GALNT17: variants seen among roughly 807,000 people sequenced by gnomAD.
GALNT17 encodes polypeptide N-acetylgalactosaminyltransferase 17, also known as UDP-GalNAc:polypeptide N-acetylgalactosaminyltransferase-like 3.
A neutral mutation model predicts 63.7 loss-of-function variants in GALNT17; 29 were observed. The observed-to-expected ratio is 0.46, with a 90% CI of 0.34 to 0.62. The LOEUF (loss-of-function observed/expected upper bound fraction) is 0.62, where lower values mean the gene tolerates loss of function less well. Among genes scored for constraint, GALNT17 ranks in the 20% least tolerant of loss-of-function variants. The pLI is 0.01. For missense variants in GALNT17, 603 were observed against 799.6 expected (o/e 0.75, Z 2.97); for synonymous variants, 305 against 318.3 (o/e 0.96, Z 0.45).
chr7:71,303,735 C>T (rs1791241319), intron 1 of GALNT17, among the ~76,000 whole-genome samples: 1 of 152,170 alleles, frequency 6.6e-6, no homozygotes, highest in South Asian at 2.1e-4. Context: ...CTGGACTCCC[C>T]TCTAAAGAAG....
intron 1 of GALNT17, among the ~76,000 whole-genome samples, chr7:71,155,367 G>A (rs112842866): frequency 0.088 from 13,262 of 151,474 alleles, 925 homozygotes; most frequent in African/African-American, 0.16. Flanking sequence ...CCAACCTCCC[G>A]GGCTCAAGCA....
chr7:71,527,071 T>G (rs1227969112), intron 5 of GALNT17, among the ~76,000 whole-genome samples: 1 of 152,242 alleles, frequency 6.6e-6, no homozygotes, highest in Non-Finnish European at 1.5e-5. Context: ...TTGTCCTCTC[T>G]TTTTGTGTCT....
At chr7:71,329,917 A>ATATG (rs149755222) in intron 1 of GALNT17, among the ~76,000 whole-genome samples, 11 of 146,868 alleles carry the variant, frequency 7.5e-5, no homozygotes, top group Non-Finnish European at 1.2e-4. Flanking sequence ...ATATATATGT[A>ATATG]TGTGTGTGTG....
chr7:71,553,345 T>A (rs4719148), intron 5 of GALNT17, among the ~76,000 whole-genome samples: 96,982 of 151,672 alleles, frequency 0.64, 32,005 homozygotes, highest in Non-Finnish European at 0.72. Context: ...AAAAAAAATT[T>A]TCCAGCTTTT....
intron 5 of GALNT17, among the ~76,000 whole-genome samples, chr7:71,468,906 G>A (rs552081087): frequency 2.7e-4 from 41 of 152,096 alleles, no homozygotes; most frequent in Non-Finnish European, 5.3e-4. Context: ...TGAGTTCAGG[G>A]TCATGATCAT....
At chr7:71,214,762 G>C (rs1789446840) in intron 1 of GALNT17, among the ~76,000 whole-genome samples, 1 of 152,008 alleles carries the variant, frequency 6.6e-6, no homozygotes, top group Admixed American at 6.6e-5. Flanking sequence ...ATTTTTAGTG[G>C]AGATGGGGTT....
intron 2 of GALNT17, among the ~76,000 whole-genome samples, chr7:71,373,128 G>C (rs1426650331): frequency 1.3e-5 from 2 of 152,182 alleles, no homozygotes; most frequent in African/African-American, 2.4e-5. Flanking sequence ...AGCGCTTGGA[G>C]CCCATCTTGT....
intron 1 of GALNT17, among the ~76,000 whole-genome samples, chr7:71,231,749 GGAGAGA>G (rs371282510): frequency 1.6e-4 from 24 of 145,672 alleles, no homozygotes; most frequent in Non-Finnish European, 3.0e-4. Flanking sequence ...GGAGGGAGAG[GGAGAGA>G]GAGAGAGAGG....
chr7:71,510,294 T>C (rs1423283367), intron 5 of GALNT17, among the ~76,000 whole-genome samples: 1 of 152,170 alleles, frequency 6.6e-6, no homozygotes, highest in African/African-American at 2.4e-5. Flanking sequence ...CAGAATTGTG[T>C]GTCCATCAAC....
chr7:71,478,609 C>A (rs1787763103), intron 5 of GALNT17, among the ~76,000 whole-genome samples: 1 of 152,124 alleles, frequency 6.6e-6, no homozygotes, highest in African/African-American at 2.4e-5. Flanking sequence ...AGCCACCGCA[C>A]CCAGCCTGAG....
chr7:71,191,307 A>G (rs1585869829), intron 1 of GALNT17, among the ~76,000 whole-genome samples: 1 of 151,744 alleles, frequency 6.6e-6, no homozygotes, highest in African/African-American at 2.4e-5. Flanking sequence ...GAAATCATGC[A>G]TATATATTCT....
chr7:71,376,225 C>A (rs1792720844), intron 2 of GALNT17, among the ~76,000 whole-genome samples: 1 of 151,898 alleles, frequency 6.6e-6, no homozygotes, highest in African/African-American at 2.4e-5. Context: ...CAGGGTTGTC[C>A]CCTCGTTTGA....
intron 2 of GALNT17, among the ~76,000 whole-genome samples, chr7:71,345,484 A>T (rs983006017): frequency 6.6e-6 from 1 of 152,072 alleles, no homozygotes; most frequent in Non-Finnish European, 1.5e-5. Context: ...ATTCTAACCC[A>T]TTTTATCCCG....
intron 5 of GALNT17, among the ~76,000 whole-genome samples, chr7:71,518,051 G>A (rs1488757933): frequency 6.6e-6 from 1 of 152,210 alleles, no homozygotes; most frequent in Non-Finnish European, 1.5e-5. Flanking sequence ...GCCATCCAGG[G>A]TGGCTGGAGC....
At chr7:71,351,703 C>G (rs1294692548) in intron 2 of GALNT17, among the ~76,000 whole-genome samples, 1 of 152,068 alleles carries the variant, frequency 6.6e-6, no homozygotes, top group Non-Finnish European at 1.5e-5. Context: ...GGTGCATGCC[C>G]TTGCTGACCC....
At chr7:71,621,533 GGATTGATGGATT>G (rs1171271146) in intron 6 of GALNT17, among the ~76,000 whole-genome samples, 2 of 70,518 alleles carry the variant, frequency 2.8e-5, no homozygotes, top group Non-Finnish European at 6.5e-5. Flanking sequence ...ATGGATGGAT[GGATTGATGGATT>G]GATGGATAGA....
chr7:71,637,332 C>T (rs1790541607), intron 6 of GALNT17, among the ~76,000 whole-genome samples: 1 of 152,114 alleles, frequency 6.6e-6, no homozygotes, highest in African/African-American at 2.4e-5. Context: ...ACTACAGGCA[C>T]AGCCACCATG....
At chr7:71,403,085 A>G (rs906496779) in intron 3 of GALNT17, among the ~76,000 whole-genome samples, 1 of 152,176 alleles carries the variant, frequency 6.6e-6, no homozygotes, top group Admixed American at 6.5e-5. Flanking sequence ...TTTAGGCCCC[A>G]GGGAGGAAAG....
At chr7:71,707,427 G>A (rs942007391) in intron 9 of GALNT17, among the ~76,000 whole-genome samples, 6 of 152,188 alleles carry the variant, frequency 3.9e-5, no homozygotes, top group African/African-American at 1.4e-4. Context: ...CAGCAGAGGC[G>A]AGGCTACTAG....
Sources: gnomAD v4.1 joint callset for allele counts (sites outside exome capture counted in the v4.1 genomes callset) on GRCh38, gnomAD v4.1.1 for gene constraint, MANE v1.5 for transcripts, NCBI Gene and HGNC (gene_info 2026-07-23, HGNC 2026-07-21) for gene names.